The following RBFOX1 variants were observed in gnomAD, a reference collection of about 807,000 sequenced individuals.
RBFOX1 encodes RNA binding protein fox-1 homolog 1.
In RBFOX1, 8 loss-of-function variants were observed where a neutral mutation model predicts 57.7. That is an observed-to-expected ratio of 0.14 (90% CI 0.08 to 0.25). The LOEUF (loss-of-function observed/expected upper bound fraction) is 0.25. RBFOX1 is among the 10% of genes least tolerant of loss of function. The probability of loss-of-function intolerance (pLI) is 1.00; values close to 1 mark genes in which losing one functional copy is unlikely to be tolerated. For missense variants in RBFOX1, 611 were observed against 548.5 expected (o/e 1.11, Z -1.14); for synonymous variants, 326 against 222.4 (o/e 1.47, Z -4.15).
At chr16:5,795,774 GA>G (rs2054857125) in intron 3 of RBFOX1, among the ~76,000 whole-genome samples, 1 of 152,152 alleles carries the variant, frequency 6.6e-6, no homozygotes, top group African/African-American at 2.4e-5. Flanking sequence ...TTTAGACCTG[GA>G]AGATAAACAA....
intron 3 of RBFOX1, among the ~76,000 whole-genome samples, chr16:6,817,879 A>C (rs541622025): frequency 6.6e-6 from 1 of 152,278 alleles, no homozygotes; most frequent in Admixed American, 6.5e-5. Flanking sequence ...CAAGCCCTTC[A>C]TGAAGGCTTG....
intron 4 of RBFOX1, among the ~76,000 whole-genome samples, chr16:7,433,515 G>A (rs571669741): frequency 7.2e-5 from 11 of 152,196 alleles, no homozygotes; most frequent in South Asian, 2.1e-4. Context: ...AGACAAATGC[G>A]CGGTGAAATC....
intron 2 of RBFOX1, among the ~76,000 whole-genome samples, chr16:6,596,692 G>T (rs1199776366): frequency 6.7e-6 from 1 of 149,808 alleles, no homozygotes; most frequent in Non-Finnish European, 1.5e-5. Context: ...TATAAATACA[G>T]TTGATTCTAC....
intron 3 of RBFOX1, among the ~76,000 whole-genome samples, chr16:6,940,623 A>C (rs2078211799): frequency 6.6e-6 from 1 of 152,012 alleles, no homozygotes; most frequent in Non-Finnish European, 1.5e-5. Context: ...TTTGAGGCGG[A>C]GTCTTACTCT....
At chr16:7,088,153 G>A (rs2060269428) in intron 4 of RBFOX1, among the ~76,000 whole-genome samples, 3 of 152,252 alleles carry the variant, frequency 2.0e-5, no homozygotes, top group South Asian at 4.2e-4. Context: ...GGGTTTGGGG[G>A]GATGTACGGT....
At chr16:7,240,591 G>A (rs1166783879) in intron 4 of RBFOX1, among the ~76,000 whole-genome samples, 1 of 152,092 alleles carries the variant, frequency 6.6e-6, no homozygotes, top group African/African-American at 2.4e-5. Context: ...GTCTCACTTT[G>A]TCACCCAGGC....
At chr16:6,159,901 C>G (rs2096865597) in intron 1 of RBFOX1, among the ~76,000 whole-genome samples, 1 of 152,050 alleles carries the variant, frequency 6.6e-6, no homozygotes, top group Non-Finnish European at 1.5e-5. Flanking sequence ...ATTTGTGCTG[C>G]TCTTTTCTTT....
At chr16:7,243,836 C>T (rs887516091) in intron 4 of RBFOX1, among the ~76,000 whole-genome samples, 2 of 152,070 alleles carry the variant, frequency 1.3e-5, no homozygotes, top group Non-Finnish European at 2.9e-5. Context: ...AGGTATGAGC[C>T]ACTGCATCCT....
At chr16:6,926,531 A>C (rs776483137) in intron 3 of RBFOX1, among the ~76,000 whole-genome samples, 6 of 152,128 alleles carry the variant, frequency 3.9e-5, no homozygotes, top group Non-Finnish European at 8.8e-5. Context: ...GGCCAGGGAG[A>C]GGCTTTCTGG....
chr16:6,066,572 C>A (rs566988728), intron 1 of RBFOX1, among the ~76,000 whole-genome samples: 3 of 152,080 alleles, frequency 2.0e-5, no homozygotes, highest in Non-Finnish European at 4.4e-5. Context: ...AATACATTAT[C>A]TGGAAAAATG....
At chr16:7,069,438 G>A (rs1171402632) in intron 4 of RBFOX1, among the ~76,000 whole-genome samples, 2 of 152,148 alleles carry the variant, frequency 1.3e-5, no homozygotes, top group East Asian at 1.9e-4. Flanking sequence ...ACAAGTGAGA[G>A]CATGCGGTGT....
chr16:6,822,441 G>T (rs1368885783), intron 3 of RBFOX1, among the ~76,000 whole-genome samples: 1 of 152,200 alleles, frequency 6.6e-6, no homozygotes, highest in African/African-American at 2.4e-5. Context: ...TTGCTAACTT[G>T]TAACTTGGAG....
chr16:7,046,541 T>C, intron 3 of RBFOX1, among the ~76,000 whole-genome samples: 1 of 146,892 alleles, frequency 6.8e-6, no homozygotes, highest in Non-Finnish European at 1.5e-5. Flanking sequence ...TCAATAAAGA[T>C]GGGAGATAAT....
intron 5 of RBFOX1, among the ~76,000 whole-genome samples, chr16:7,537,375 A>G (rs529309779): frequency 1.3e-5 from 2 of 152,194 alleles, no homozygotes; most frequent in African/African-American, 4.8e-5. Flanking sequence ...TCTGAGAGTG[A>G]CCATTGAGGA....
intron 3 of RBFOX1, among the ~76,000 whole-genome samples, chr16:6,945,470 AT>A (rs56295393): frequency 0.45 from 66,808 of 148,352 alleles, 15,155 homozygotes; most frequent in African/African-American, 0.57. Flanking sequence ...GGATATTTTG[AT>A]TTTTTTTTTT....
At chr16:7,128,526 C>T (rs539391020) in intron 4 of RBFOX1, among the ~76,000 whole-genome samples, 66 of 152,284 alleles carry the variant, frequency 4.3e-4, no homozygotes, top group Middle Eastern at 3.4e-3. Flanking sequence ...TAGCCTGGTT[C>T]ACTTAGTGAG....
At chr16:7,310,353 C>T (rs891547501) in intron 4 of RBFOX1, among the ~76,000 whole-genome samples, 1 of 152,084 alleles carries the variant, frequency 6.6e-6, no homozygotes, top group African/African-American at 2.4e-5. Flanking sequence ...TTCTGATCTT[C>T]CTGTCATGCT....
intron 4 of RBFOX1, among the ~76,000 whole-genome samples, chr16:7,474,358 G>A (rs943530302): frequency 6.6e-6 from 1 of 152,062 alleles, no homozygotes; most frequent in Admixed American, 6.5e-5. Flanking sequence ...CTGAGTAAAT[G>A]GCCTCTTCTC....
At chr16:6,096,928 G>C (rs755911976) in intron 1 of RBFOX1, among the ~76,000 whole-genome samples, 2 of 152,032 alleles carry the variant, frequency 1.3e-5, no homozygotes, top group African/African-American at 4.8e-5. Flanking sequence ...TTTTAATGAC[G>C]GCTCACCCCT....
Sources: gnomAD v4.1 joint callset for allele counts (sites outside exome capture counted in the v4.1 genomes callset) on GRCh38, gnomAD v4.1.1 for gene constraint, MANE v1.5 for transcripts, NCBI Gene and HGNC (gene_info 2026-07-23, HGNC 2026-07-21) for gene names.